PRELID2: variants seen among roughly 807,000 people sequenced by gnomAD.
The protein encoded by PRELID2 is PRELI domain containing 2, also known as PRELI domain-containing protein 2.
A neutral mutation model predicts 28.4 loss-of-function variants in PRELID2; 25 were observed. The ratio of observed to expected loss-of-function variants is 0.88; its 90% confidence interval spans 0.64 to 1.23. The LOEUF is 1.23. PRELID2 is among the 50% of genes most tolerant of loss of function. PRELID2 has a pLI of 0.00. For synonymous variants in PRELID2, 76 were observed against 71.6 expected, an observed-to-expected ratio of 1.06 and a Z score of -0.31; for missense variants, 201 against 214.4, an observed-to-expected ratio of 0.94 and a Z score of 0.39.
chr5:145,634,427 T>G (rs1356642999), intron 1 of PRELID2, among the ~76,000 whole-genome samples: 2 of 152,156 alleles, frequency 1.3e-5, no homozygotes, highest in African/African-American at 4.8e-5. Context: ...CAACAAGTAT[T>G]GAACTAACTT....
At chr5:145,416,283 C>T in the PRELID2 span, among the ~76,000 whole-genome samples, 2 of 151,934 alleles carry the variant, frequency 1.3e-5, no homozygotes, top group Admixed American at 6.6e-5. Context: ...GGATTAAAGA[C>T]TTAAACGTTA....
intron 1 of PRELID2, among the ~76,000 whole-genome samples, chr5:145,639,562 G>A (rs1754060113): frequency 6.6e-6 from 1 of 152,126 alleles, no homozygotes; most frequent in African/African-American, 2.4e-5. Context: ...CCACTGATGA[G>A]CTTACAAACA....
intron 3 of PRELID2, 110 bp from the exon 4 acceptor site, chr5:145,818,164 G>T: frequency 1.8e-6 from 2 of 1,101,730 alleles, no homozygotes; most frequent in Non-Finnish European, 2.6e-6. Context: ...AAGTAATCCT[G>T]ATACATGGAT....
At position 145,500,202 on chromosome 5, in the gene PRELID2, T is replaced by C. The variant is rs765397234; in HGVS notation, n.71-26887A>G. ...GGAGGAGGGGCCTGGTGGGAGGTGA[T>C]TGGATCATGGGGATGAATTTCCCCT... On this transcript the variant is annotated intron_variant and non_coding_transcript_variant, in intron 1 of 2. Transcript: ENST00000510259. Among the ~76,000 whole-genome samples, 6 of 152,126 alleles carry C rather than the reference T, an allele frequency of 3.9e-5. No homozygotes were observed. In the East Asian group the frequency reaches 5.8e-4, roughly 15 times the overall value.
chr5:145,642,490 C>G (rs1249585144), intron 1 of PRELID2, among the ~76,000 whole-genome samples: 1 of 152,146 alleles, frequency 6.6e-6, no homozygotes, highest in African/African-American at 2.4e-5. Flanking sequence ...GTGATAGTTT[C>G]TTTTGCTGTG....
downstream of PRELID2, among the ~76,000 whole-genome samples, chr5:145,468,205 T>C (rs940383161): frequency 1.3e-5 from 2 of 152,112 alleles, no homozygotes; most frequent in African/African-American, 2.4e-5. Flanking sequence ...CTGAGAATGG[T>C]GGTTTCCAGC....
the PRELID2 span, among the ~76,000 whole-genome samples, chr5:145,282,617 T>C: frequency 6.6e-6 from 1 of 151,988 alleles, no homozygotes; most frequent in Non-Finnish European, 1.5e-5. Context: ...TCTCCTGGTT[T>C]CAAGCGATCC....
At chr5:145,701,427 T>C (rs1159537514) in intron 1 of PRELID2, among the ~76,000 whole-genome samples, 1 of 152,232 alleles carries the variant, frequency 6.6e-6, no homozygotes, top group East Asian at 1.9e-4. Context: ...TGTAATTGCT[T>C]AGTTCAGCAG....
intron 1 of PRELID2, among the ~76,000 whole-genome samples, chr5:145,701,314 A>G (rs1755402227): frequency 6.6e-6 from 1 of 152,206 alleles, no homozygotes; most frequent in Admixed American, 6.5e-5. Flanking sequence ...CAACTTAATT[A>G]AAAATGACAT....
At chr5:145,379,537 C>A in the PRELID2 span, among the ~76,000 whole-genome samples, 1 of 152,108 alleles carries the variant, frequency 6.6e-6, no homozygotes, top group Non-Finnish European at 1.5e-5. Flanking sequence ...GAGGTAGGAT[C>A]CCCTGTTCTC....
At chr5:145,803,408 C>A (rs1753271782) in intron 4 of PRELID2, among the ~76,000 whole-genome samples, 1 of 151,950 alleles carries the variant, frequency 6.6e-6, no homozygotes, top group African/African-American at 2.4e-5. Context: ...TAAAATCACA[C>A]ACACACACAC....
At chr5:145,296,838 T>G in the PRELID2 span, among the ~76,000 whole-genome samples, 1 of 152,166 alleles carries the variant, frequency 6.6e-6, no homozygotes, top group Non-Finnish European at 1.5e-5. Context: ...TTTCTCCACA[T>G]CCTCTCCAGC....
chr5:145,254,875 T>C, the PRELID2 span, among the ~76,000 whole-genome samples: 1 of 149,584 alleles, frequency 6.7e-6, no homozygotes, highest in African/African-American at 2.5e-5. Flanking sequence ...ATACGAGAAA[T>C]GAGACATTCC....
At chr5:145,390,128 G>A in the PRELID2 span, among the ~76,000 whole-genome samples, 1 of 152,152 alleles carries the variant, frequency 6.6e-6, no homozygotes, top group Non-Finnish European at 1.5e-5. Flanking sequence ...GAAGTACATA[G>A]GAAAGACACC....
the PRELID2 span, among the ~76,000 whole-genome samples, chr5:145,240,877 T>C: frequency 6.6e-6 from 1 of 152,012 alleles, no homozygotes; most frequent in African/African-American, 2.4e-5. Flanking sequence ...ACCTTGTTTA[T>C]GTGTATAAAA....
chr5:145,414,601 T>C, the PRELID2 span, among the ~76,000 whole-genome samples: 2 of 152,242 alleles, frequency 1.3e-5, no homozygotes, highest in African/African-American at 4.8e-5. Context: ...GGTAGATATA[T>C]AGTAGGCCTT....
intron 6 of PRELID2, among the ~76,000 whole-genome samples, chr5:145,764,528 A>T (rs1421367223): frequency 6.6e-6 from 1 of 152,240 alleles, no homozygotes; most frequent in African/African-American, 2.4e-5. Context: ...TTCACTGGCC[A>T]ATCAACATGC....
chr5:145,674,238 G>A (rs1035167792), intron 1 of PRELID2, among the ~76,000 whole-genome samples: 2 of 152,074 alleles, frequency 1.3e-5, no homozygotes, highest in African/African-American at 4.8e-5. Context: ...GTATACATGT[G>A]CCATGTTGGC....
the PRELID2 span, among the ~76,000 whole-genome samples, chr5:145,275,530 G>A: frequency 6.6e-6 from 1 of 152,096 alleles, no homozygotes; most frequent in African/African-American, 2.4e-5. Flanking sequence ...AGAGATTGCT[G>A]TGTGTTGGAA....
Sources: gnomAD v4.1 joint callset for allele counts (sites outside exome capture counted in the v4.1 genomes callset) on GRCh38, gnomAD v4.1.1 for gene constraint, MANE v1.5 for transcripts, NCBI Gene and HGNC (gene_info 2026-07-23, HGNC 2026-07-21) for gene names.